WT1: variants seen among roughly 807,000 people sequenced by gnomAD.
The protein encoded by WT1 is Wilms tumor protein.
Under a neutral mutation model 60.8 loss-of-function variants are expected in WT1, and 8 were observed. The observed-to-expected ratio is 0.13, with a 90% CI of 0.08 to 0.24. The LOEUF (loss-of-function observed/expected upper bound fraction) is 0.24, where lower values mean the gene tolerates loss of function less well. Ranked by LOEUF, WT1 falls within the 10% of genes least tolerant of loss-of-function variation. The probability of loss-of-function intolerance (pLI) is 1.00; values close to 1 mark genes in which losing one functional copy is unlikely to be tolerated. For missense variants in WT1, 568 were observed against 711.8 expected (o/e 0.80, Z 2.30); for synonymous variants, 312 against 297.1 (o/e 1.05, Z -0.52).
rs56142321 is a variant in WT1, at chr11:32,399,142, C to T, written c.1113+806G>A. Among the ~76,000 whole-genome samples, 851 of 133,366 alleles carry T rather than the reference C, an allele frequency of 6.4e-3. 7 individuals are homozygous for T. Among genetic ancestry groups the T allele is most frequent in the Non-Finnish European group, 0.011 (683 of 64,946 alleles). 87.5% of individuals were successfully genotyped at this position (133,366 alleles called of 152,430 possible). The stretch of plus-strand genomic sequence containing the variant: ...CTGTACTCCAGCCTGGGTGACAGAG[C>T]GAGACTCCCATCTCAAAAAAAAAAA... On this transcript the variant is annotated intron_variant, in intron 6 of 9. Coordinates refer to ENST00000452863, the MANE Select transcript of WT1 (RefSeq NM_024426.6).
intron 1 of WT1, among the ~76,000 whole-genome samples, chr11:32,432,790 A>C (rs1181649672): frequency 6.6e-6 from 1 of 152,228 alleles, no homozygotes; most frequent in African/African-American, 2.4e-5. Flanking sequence ...ACCTGCCCTG[A>C]AAAGGGCTGG....
chr11:32,400,269 C>T (rs1305720413), intron 5 of WT1: 11 of 617,154 alleles, frequency 1.8e-5, no homozygotes, highest in Non-Finnish European at 2.9e-5. Flanking sequence ...CTCCGATTCT[C>T]GTAGGCGTGC....
At chr11:32,434,561 C>G in intron 1 of WT1, 139 bp downstream of exon 1, 1 of 1,494,414 alleles carries the variant, frequency 6.7e-7, no homozygotes, top group South Asian at 1.3e-5. Flanking sequence ...CCAGCCGCCG[C>G]TTCCGCTATC....
rs1564968932 is a variant in WT1, at chr11:32,390,977, GT to G, written c.1447+994del. On this transcript the variant is annotated intron_variant, in intron 9 of 9. Transcript: ENST00000452863. ...ATGCCTACCTCATTTTTTTTTGTTT[GT>G]TTTGTTTTGTTTTGTTTTGAGACAG... Among the ~76,000 whole-genome samples the G allele has an allele frequency of 2.7e-4, 17 of 62,972 alleles. No individual in the cohort carries two copies. The East Asian group carries it at 0.024, about 89-fold the overall frequency. 41.3% of individuals were successfully genotyped at this position (62,972 alleles called of 152,430 possible).
intron 9 of WT1, among the ~76,000 whole-genome samples, chr11:32,390,503 T>C (rs1250621332): frequency 6.6e-6 from 1 of 152,192 alleles, no homozygotes; most frequent in Non-Finnish European, 1.5e-5. Context: ...CTGCCAACCA[T>C]GGGCCACAGG....
At chr11:32,420,995 G>C (rs1852836268) in intron 3 of WT1, among the ~76,000 whole-genome samples, 2 of 152,220 alleles carry the variant, frequency 1.3e-5, no homozygotes, top group Non-Finnish European at 2.9e-5. Flanking sequence ...TAGGATCAGA[G>C]CACAGTTTTA....
intron 8 of WT1, 24 bp from the exon 9 acceptor site, chr11:32,392,088 C>A (rs2132915610): frequency 1.2e-6 from 2 of 1,610,698 alleles, no homozygotes; most frequent in South Asian, 1.1e-5. Context: ...GAAGGTCTAG[C>A]CTCGGCCCTA....
intron 5 of WT1, among the ~76,000 whole-genome samples, chr11:32,405,622 T>TTAC (rs1852285428): frequency 8.1e-6 from 1 of 123,060 alleles, no homozygotes; most frequent in Admixed American, 8.3e-5. Context: ...TTCCATCACC[T>TTAC]TACACAAATG....
At chr11:32,416,347 G>A (rs1852667628) in intron 5 of WT1, 143 bp downstream of exon 5, 2 of 995,834 alleles carry the variant, frequency 2.0e-6, no homozygotes, top group East Asian at 2.4e-5. Flanking sequence ...AATAAGAAGA[G>A]GTGGGGGCGG....
intron 7 of WT1, among the ~76,000 whole-genome samples, chr11:32,395,761 CTT>C (rs74309158): frequency 4.3e-4 from 64 of 149,640 alleles, no homozygotes; most frequent in African/African-American, 1.6e-3. Context: ...CATGACTGAC[CTT>C]TTTTTTTTAA....
chr11:32,394,851 T>C (rs992229397), intron 7 of WT1, among the ~76,000 whole-genome samples: 1 of 152,260 alleles, frequency 6.6e-6, no homozygotes, highest in African/African-American at 2.4e-5. Flanking sequence ...TAACCCTCAC[T>C]GCATTCTAAG....
intron 5 of WT1, among the ~76,000 whole-genome samples, chr11:32,411,101 C>A (rs1852486054): frequency 1.1e-5 from 1 of 93,100 alleles, no homozygotes; most frequent in South Asian, 4.0e-4. Context: ...ACACTTTTAT[C>A]AATCCTCATT....
rs144788858 is a variant in WT1, at chr11:32,392,716, C to T, written c.1304G>A (p.Arg435Gln). ...GAGCTGGTCTGAACGAGAAAACCTT[C>T]GTTCACAGTCCTTGAAGTCACACTG... is the stretch of plus-strand genomic sequence containing the variant. The change falls in exon 8 of 10, where the codon CGA (arginine) becomes CAA (glutamine). Residue 435 changes from arginine to glutamine, a missense_variant. This residue lies in a region of WT1 where 16 missense variants were observed against 99.8 expected (regional missense o/e 0.16). Coordinates refer to ENST00000452863, the MANE Select transcript of WT1 (RefSeq NM_024426.6). The T allele has an allele frequency of 9.9e-6, 16 of 1,613,940 alleles. No individual in the cohort carries two copies. Among genetic ancestry groups the T allele is most frequent in the East Asian group, 2.2e-5 (1 of 44,886 alleles).
chr11:32,429,548 T>C (rs1853197684), intron 1 of WT1, among the ~76,000 whole-genome samples: 1 of 149,956 alleles, frequency 6.7e-6, no homozygotes, highest in Admixed American at 6.6e-5. Context: ...TAAATTGCTT[T>C]AAACTTATAC....
intron 3 of WT1, among the ~76,000 whole-genome samples, chr11:32,423,743 T>C (rs1852929810): frequency 6.6e-6 from 1 of 152,244 alleles, no homozygotes; most frequent in Non-Finnish European, 1.5e-5. Context: ...ATGGCAGTGA[T>C]AACCTGTTGT....
At chr11:32,430,908 G>C (rs1590402192) in intron 1 of WT1, 1 of 1,111,198 alleles carries the variant, frequency 9.0e-7, no homozygotes, top group Non-Finnish European at 1.1e-6. Context: ...GCTTGGCCTG[G>C]CGCGGAGAGT....
At chr11:32,397,400 C>T (rs947117959) in intron 6 of WT1, among the ~76,000 whole-genome samples, 6 of 152,062 alleles carry the variant, frequency 3.9e-5, no homozygotes, top group South Asian at 2.1e-4. Context: ...CCTGCAGCCT[C>T]GACCTCACCA....
Position 32,428,501 on chromosome 11 carries a change from C to G in WT1, c.780G>C (p.Ser260=), listed in dbSNP as rs1403311573. ...CACTTGGTTCCGCTCGCTTACCCAGCGAGCCCTGCTGGCCCATGGGATCCT... is the reference window on the plus strand; with the variant it reads ...CACTTGGTTCCGCTCGCTTACCCAGGGAGCCCTGCTGGCCCATGGGATCCT... The change falls in exon 2 of 10, where the codon TCG becomes TCC. Residue 260 remains serine (S), a synonymous_variant. Transcript: ENST00000452863. The G allele has an allele frequency of 6.2e-7, 1 of 1,613,950 alleles. No homozygotes were observed. The highest frequency in any genetic ancestry group is 1.1e-5 in the South Asian group (1 of 91,088).
chr11:32,422,270 G>A (rs1334480056), intron 3 of WT1, among the ~76,000 whole-genome samples: 2 of 152,184 alleles, frequency 1.3e-5, no homozygotes. Flanking sequence ...AAACCCACTG[G>A]GGATTCCATT....
Sources: gnomAD v4.1 joint callset for allele counts (sites outside exome capture counted in the v4.1 genomes callset) on GRCh38, gnomAD v4.1.1 for gene constraint, gnomAD v4.1.1 regional missense constraint, MANE v1.5 for transcripts, NCBI Gene and HGNC (gene_info 2026-07-23, HGNC 2026-07-21) for gene names.